Variants in CSMD1 observed in about 807,000 individuals in gnomAD.
The protein encoded by CSMD1 is CUB and sushi domain-containing protein 1.
In CSMD1, 213 loss-of-function variants were observed where a neutral mutation model predicts 417.5. The observed-to-expected ratio is 0.51, with a 90% CI of 0.46 to 0.57. The LOEUF (loss-of-function observed/expected upper bound fraction) is 0.57, where lower values mean the gene tolerates loss of function less well. Ranked by LOEUF, CSMD1 falls within the 20% of genes least tolerant of loss-of-function variation. The pLI is 0.00. For synonymous variants in CSMD1, 2,862 were observed against 1,736.8 expected, an observed-to-expected ratio of 1.65 and a Z score of -16.11; for missense variants, 6,923 against 4,529.7, an observed-to-expected ratio of 1.53 and a Z score of -15.17.
intron 2 of CSMD1, among the ~76,000 whole-genome samples, chr8:4,549,048 T>A (rs927445357): frequency 3.3e-5 from 5 of 152,232 alleles, no homozygotes; most frequent in Non-Finnish European, 5.9e-5. Context: ...CTTTTCACAT[T>A]CATTTAATGT....
chr8:4,180,509 A>G (rs1467604189), intron 3 of CSMD1, among the ~76,000 whole-genome samples: 2 of 151,900 alleles, frequency 1.3e-5, no homozygotes, highest in African/African-American at 2.4e-5. Flanking sequence ...GCACACCAGC[A>G]TGGCACATGT....
intron 2 of CSMD1, among the ~76,000 whole-genome samples, chr8:4,597,709 T>C (rs1033104042): frequency 2.6e-5 from 4 of 152,150 alleles, no homozygotes; most frequent in Non-Finnish European, 4.4e-5. Context: ...TGGACCATCA[T>C]GTTATATCAC....
chr8:3,491,791 C>G lies in CSMD1; in HGVS notation c.1448+1832G>C, dbSNP rs565433909. ...TAGCATGGAAATATGGGATGCTACCCGGGGCAAGATTCCTCACAAATGAAG... is the reference window on the plus strand; with the variant it reads ...TAGCATGGAAATATGGGATGCTACCGGGGGCAAGATTCCTCACAAATGAAG... On this transcript the variant is annotated intron_variant, in intron 11 of 69. Coordinates refer to ENST00000635120, the MANE Select transcript of CSMD1 (RefSeq NM_033225.6). Among the ~76,000 whole-genome samples, 305 of 152,332 alleles carry G rather than the reference C, an allele frequency of 2.0e-3. 1 individual carries two copies. Among genetic ancestry groups the G allele is most frequent in the African/African-American group, 6.9e-3 (285 of 41,588 alleles).
intron 10 of CSMD1, among the ~76,000 whole-genome samples, chr8:3,507,431 T>G (rs952374059): frequency 1.3e-5 from 2 of 152,336 alleles, no homozygotes; most frequent in South Asian, 2.1e-4. Context: ...TGGTTCCAAG[T>G]CTTTGCTATT....
chr8:3,937,108 T>C (rs1033509755), intron 5 of CSMD1, among the ~76,000 whole-genome samples: 2 of 152,160 alleles, frequency 1.3e-5, no homozygotes, highest in African/African-American at 2.4e-5. Flanking sequence ...CATAAGATCT[T>C]AATGGACGAG....
intron 11 of CSMD1, among the ~76,000 whole-genome samples, chr8:3,473,343 A>AT (rs1817216930): frequency 6.6e-6 from 1 of 152,234 alleles, no homozygotes; most frequent in African/African-American, 2.4e-5. Flanking sequence ...TGACAGTTAT[A>AT]TTTATGAGAA....
At chr8:3,550,527 T>G (rs1344489549) in intron 10 of CSMD1, among the ~76,000 whole-genome samples, 1 of 152,208 alleles carries the variant, frequency 6.6e-6, no homozygotes, top group Admixed American at 6.5e-5. Context: ...GTGTAGTGAT[T>G]CACTCAGGGT....
At chr8:3,224,008 T>C in intron 27 of CSMD1, 141 bp from the exon 28 acceptor site, 1 of 675,672 alleles carries the variant, frequency 1.5e-6, no homozygotes. Context: ...GTGTTGGTTA[T>C]CAATTATCCT....
chr8:4,302,686 A>T (rs1563418161), intron 3 of CSMD1, among the ~76,000 whole-genome samples: 1 of 152,178 alleles, frequency 6.6e-6, no homozygotes, highest in African/African-American at 2.4e-5. Flanking sequence ...CATCTCTACT[A>T]AACTGGTGTG....
At chr8:4,548,380 C>G (rs1797724940) in intron 2 of CSMD1, among the ~76,000 whole-genome samples, 1 of 152,052 alleles carries the variant, frequency 6.6e-6, no homozygotes, top group Non-Finnish European at 1.5e-5. Flanking sequence ...ATTGAATATT[C>G]ATGTTGTATA....
chr8:3,309,721 T>A (rs1805180461), intron 23 of CSMD1, among the ~76,000 whole-genome samples: 1 of 152,230 alleles, frequency 6.6e-6, no homozygotes, highest in South Asian at 2.1e-4. Flanking sequence ...AATTAAATTT[T>A]GAAATGAATT....
chr8:4,510,418 A>AAAAAAAAAAAAAAAAAAC (rs1802757928), intron 2 of CSMD1, among the ~76,000 whole-genome samples: 2 of 119,576 alleles, frequency 1.7e-5, no homozygotes, highest in Non-Finnish European at 3.6e-5. Flanking sequence ...AAAAAAAAAA[A>AAAAAAAAAAAAAAAAAAC]AAAAGCAAAT....
intron 6 of CSMD1, among the ~76,000 whole-genome samples, chr8:3,728,644 T>G (rs905472243): frequency 6.6e-6 from 1 of 152,178 alleles, no homozygotes; most frequent in African/African-American, 2.4e-5. Context: ...GGAGCAGTCG[T>G]GTGGGGAGCA....
chr8:3,807,747 T>C (rs1800828009), intron 5 of CSMD1, among the ~76,000 whole-genome samples: 1 of 152,162 alleles, frequency 6.6e-6, no homozygotes. Flanking sequence ...GAATCATCTT[T>C]AGTCATCTAT....
chr8:4,894,700 G>GTA (rs1338970668), intron 1 of CSMD1, among the ~76,000 whole-genome samples: 1 of 149,672 alleles, frequency 6.7e-6, no homozygotes, highest in Admixed American at 6.6e-5. Flanking sequence ...CTGAAAGACT[G>GTA]TGTGTGTGTG....
intron 1 of CSMD1, among the ~76,000 whole-genome samples, chr8:4,981,955 C>G (rs1028792784): frequency 6.6e-6 from 1 of 152,112 alleles, no homozygotes; most frequent in Non-Finnish European, 1.5e-5. Context: ...AGGTGACAAC[C>G]GTGTGTGGCC....
At chr8:3,868,957 TAA>T (rs1039972322) in intron 5 of CSMD1, among the ~76,000 whole-genome samples, 9 of 152,296 alleles carry the variant, frequency 5.9e-5, no homozygotes, top group Non-Finnish European at 1.0e-4. Context: ...CATTACAACC[TAA>T]GTCACATAAC....
At chr8:3,977,129 G>C (rs932141181) in intron 5 of CSMD1, among the ~76,000 whole-genome samples, 4 of 152,082 alleles carry the variant, frequency 2.6e-5, no homozygotes, top group African/African-American at 7.2e-5. Context: ...ATCCTCAGAT[G>C]AAACTTTCAT....
At chr8:4,403,456 C>G (rs1358357785) in intron 3 of CSMD1, among the ~76,000 whole-genome samples, 2 of 152,254 alleles carry the variant, frequency 1.3e-5, no homozygotes, top group African/African-American at 2.4e-5. Flanking sequence ...ATGTCCTTAT[C>G]AGGGTCACCA....
Sources: allele counts gnomAD v4.1 joint callset (sites outside exome capture counted in the v4.1 genomes callset), GRCh38; gene constraint gnomAD v4.1.1; transcripts MANE v1.5; gene names NCBI Gene and HGNC (gene_info 2026-07-23, HGNC 2026-07-21).